The following SLIT2 variants were observed in gnomAD, a reference collection of about 807,000 sequenced individuals.
The protein encoded by SLIT2 is slit guidance ligand 2, also known as slit homolog 2 protein.
In SLIT2, 41 loss-of-function variants were observed where a neutral mutation model predicts 185.7. That is an observed-to-expected ratio of 0.22 (90% CI 0.17 to 0.29). The LOEUF is 0.29. Among genes scored for constraint, SLIT2 ranks in the 10% least tolerant of loss-of-function variants. SLIT2 has a pLI of 1.00. For synonymous variants in SLIT2, 693 were observed against 680.2 expected, an observed-to-expected ratio of 1.02 and a Z score of -0.29; for missense variants, 1,571 against 1,909.0, an observed-to-expected ratio of 0.82 and a Z score of 3.30.
At chr4:20,512,098 A>G (rs1719808455) in intron 11 of SLIT2, among the ~76,000 whole-genome samples, 1 of 152,222 alleles carries the variant, frequency 6.6e-6, no homozygotes, top group Admixed American at 6.5e-5. Flanking sequence ...GATCAGATTT[A>G]AATATTCGAA....
At chr4:20,368,222 A>AAAAAAAAAAAAG (rs1723280305) in intron 4 of SLIT2, among the ~76,000 whole-genome samples, 10 of 148,786 alleles carry the variant, frequency 6.7e-5, no homozygotes, top group Non-Finnish European at 1.3e-4. Flanking sequence ...AAAATAGCAA[A>AAAAAAAAAAAAG]AAAAAAAAAA....
At chr4:20,381,918 T>TAAATACA (rs1724556214) in intron 4 of SLIT2, among the ~76,000 whole-genome samples, 2 of 129,928 alleles carry the variant, frequency 1.5e-5, no homozygotes, top group South Asian at 5.9e-4. Context: ...TGTATTTGTA[T>TAAATACA]AAATACATAT....
intron 4 of SLIT2, among the ~76,000 whole-genome samples, chr4:20,433,798 C>T (rs1304512326): frequency 6.6e-6 from 1 of 152,094 alleles, no homozygotes; most frequent in Non-Finnish European, 1.5e-5. Flanking sequence ...CACACATGCT[C>T]TATATACTAT....
At chr4:20,430,460 A>G (rs17537864) in intron 4 of SLIT2, among the ~76,000 whole-genome samples, 3,209 of 152,306 alleles carry the variant, frequency 0.021, 49 homozygotes, top group Non-Finnish European at 0.028. Context: ...GCGTCAGGGA[A>G]AAAAATGTGT....
chr4:20,485,746 A>C (rs1717163750), intron 6 of SLIT2, among the ~76,000 whole-genome samples: 1 of 152,202 alleles, frequency 6.6e-6, no homozygotes, highest in Non-Finnish European at 1.5e-5. Context: ...GCCTGACACG[A>C]ATGATTCTGT....
intron 9 of SLIT2, among the ~76,000 whole-genome samples, chr4:20,494,971 T>C (rs1051849097): frequency 1.3e-5 from 2 of 151,964 alleles, no homozygotes; most frequent in African/African-American, 4.8e-5. Flanking sequence ...AGCAGAGGGC[T>C]CTAATAAGTA....
intron 6 of SLIT2, among the ~76,000 whole-genome samples, chr4:20,481,558 T>C (rs964544704): frequency 1.3e-5 from 2 of 152,162 alleles, no homozygotes; most frequent in African/African-American, 4.8e-5. Flanking sequence ...CCAATTAAAA[T>C]ATTTTTCTCT....
chr4:20,472,834 T>G (rs1299676970), intron 5 of SLIT2, among the ~76,000 whole-genome samples: 1 of 151,062 alleles, frequency 6.6e-6, no homozygotes, highest in Non-Finnish European at 1.5e-5. Context: ...GAGCTTATTC[T>G]TGAAGAACTA....
chr4:20,385,609 G>A (rs546417115), intron 4 of SLIT2, among the ~76,000 whole-genome samples: 1 of 152,222 alleles, frequency 6.6e-6, no homozygotes, highest in Admixed American at 6.5e-5. Context: ...GTGAAATAAA[G>A]TCAGTTGCAT....
intron 4 of SLIT2, among the ~76,000 whole-genome samples, chr4:20,467,206 A>T (rs899846573): frequency 3.3e-5 from 5 of 152,166 alleles, no homozygotes; most frequent in African/African-American, 1.2e-4. Flanking sequence ...TTATGCATAA[A>T]CTGTTCGTTT....
At chr4:20,324,350 T>TTGTATTGGGGAGGTGCTGA (rs1719368631) in intron 4 of SLIT2, among the ~76,000 whole-genome samples, 1 of 148,560 alleles carries the variant, frequency 6.7e-6, no homozygotes, top group African/African-American at 2.6e-5. Context: ...GGTGCTGATG[T>TTGTATTGGGGAGGTGCTGA]TGTATTGGTG....
intron 33 of SLIT2, among the ~76,000 whole-genome samples, chr4:20,605,420 T>C (rs1185059055): frequency 1.3e-5 from 2 of 152,230 alleles, no homozygotes; most frequent in Non-Finnish European, 2.9e-5. Flanking sequence ...GTGAGCGTAG[T>C]AAAACTAAAC....
intron 4 of SLIT2, among the ~76,000 whole-genome samples, chr4:20,442,247 C>T (rs905988132): frequency 5.3e-5 from 8 of 152,106 alleles, no homozygotes; most frequent in South Asian, 2.1e-4. Flanking sequence ...TGGCCGGGCG[C>T]GGTGGCTCAC....
chr4:20,322,268 AGGT>A (rs1336421851), intron 4 of SLIT2, among the ~76,000 whole-genome samples: 2 of 152,164 alleles, frequency 1.3e-5, no homozygotes, highest in Non-Finnish European at 2.9e-5. Flanking sequence ...CATGTGCCCA[AGGT>A]GGTTGGAGCA....
intron 15 of SLIT2, among the ~76,000 whole-genome samples, chr4:20,526,357 T>A (rs1476699374): frequency 3.3e-5 from 5 of 152,138 alleles, no homozygotes; most frequent in Non-Finnish European, 7.4e-5. Context: ...AAAAGAACAG[T>A]TGATTGGCCT....
intron 4 of SLIT2, among the ~76,000 whole-genome samples, chr4:20,403,863 C>T (rs566491133): frequency 1.3e-4 from 19 of 144,968 alleles, no homozygotes; most frequent in Admixed American, 5.6e-4. Flanking sequence ...TCAATGAAGA[C>T]ATTGAAGACA....
intron 4 of SLIT2, among the ~76,000 whole-genome samples, chr4:20,353,600 T>G (rs1354325974): frequency 6.6e-6 from 1 of 152,152 alleles, no homozygotes; most frequent in Non-Finnish European, 1.5e-5. Context: ...TTCAAAATAT[T>G]GTACAACTCT....
intron 4 of SLIT2, among the ~76,000 whole-genome samples, chr4:20,459,384 T>C (rs1450758621): frequency 6.6e-6 from 1 of 152,188 alleles, no homozygotes; most frequent in Non-Finnish European, 1.5e-5. Flanking sequence ...ATGCTATCAG[T>C]AAATGCTTTT....
intron 21 of SLIT2, among the ~76,000 whole-genome samples, chr4:20,545,676 G>A (rs1279081351): frequency 1.3e-5 from 2 of 152,040 alleles, no homozygotes; most frequent in African/African-American, 4.8e-5. Flanking sequence ...GGCCACAGCA[G>A]CAAGGTTTTG....
Sources: allele counts gnomAD v4.1 joint callset (sites outside exome capture counted in the v4.1 genomes callset), GRCh38; gene constraint gnomAD v4.1.1; transcripts MANE v1.5; gene names NCBI Gene and HGNC (gene_info 2026-07-23, HGNC 2026-07-21).